The following TMEM184A variants were observed in gnomAD, a reference collection of about 807,000 sequenced individuals.
The protein encoded by TMEM184A is sexually dimorphic, expressed in male gonads 1.
Under a neutral mutation model 39.5 loss-of-function variants are expected in TMEM184A, and 40 were observed. That is an observed-to-expected ratio of 1.01 (90% CI 0.79 to 1.32). TMEM184A has a LOEUF of 1.32. Among genes scored for constraint, TMEM184A ranks in the 40% most tolerant of loss-of-function variants. TMEM184A has a pLI of 0.00. For missense variants in TMEM184A, 603 were observed against 568.8 expected (o/e 1.06, Z -0.61); for synonymous variants, 280 against 252.3 (o/e 1.11, Z -1.04).
chr7:1,546,702 T>G lies in TMEM184A; in HGVS notation c.*250A>C. ...CTGATGGCTGGGTGATCCCAGGGGG[T>G]CCCCAGGCTCTTCCGATTGGCTCAG... On this transcript the variant is annotated 3_prime_UTR_variant, in exon 9 of 9. Coordinates refer to ENST00000297477, the MANE Select transcript of TMEM184A (RefSeq NM_001097620.2). 1 of 447,744 alleles carries G rather than the reference T, an allele frequency of 2.2e-6. No individual in the cohort carries two copies. The highest frequency in any genetic ancestry group is 3.9e-6 in the Non-Finnish European group (1 of 254,536). The allele number at this position is 447,744 out of a possible 1,614,324, so 27.7% of individuals were successfully genotyped here.
rs527947709 is a variant in TMEM184A at position 1,547,294 on chromosome 7, C to T, written c.1013-113G>A. On this transcript the variant is annotated intron_variant, in intron 8 of 8. Coordinates refer to ENST00000297477, the MANE Select transcript of TMEM184A (RefSeq NM_001097620.2). ...GCTCCTGCATGTCCAGGTCTGGCCTCGGCCAGCAGAGGGTGGCCCCAGACC... is the reference window on the plus strand; with the variant it reads ...GCTCCTGCATGTCCAGGTCTGGCCTTGGCCAGCAGAGGGTGGCCCCAGACC... 4.5e-4 allele frequency: 301 copies of T among 674,476 alleles called. No homozygotes were observed. The African/African-American group carries it at 4.6e-3, about 10-fold the overall frequency. 41.8% of individuals were successfully genotyped at this position (674,476 alleles called of 1,614,324 possible). A position where few individuals can be genotyped will look rare whatever the true frequency, so the allele number is the denominator to read the frequency against.
intron 2 of TMEM184A, among the ~76,000 whole-genome samples, chr7:1,551,411 G>T (rs1363813392): frequency 1.3e-5 from 2 of 152,034 alleles, no homozygotes; most frequent in Admixed American, 6.5e-5. Context: ...AAGCCCAGGT[G>T]AGCCGGGAAG....
rs201804582 is a variant in TMEM184A, at chr7:1,550,271, G to A, written c.476+34C>T. 3.7e-6 allele frequency: 6 copies of A among 1,610,550 alleles called. No individual in the cohort carries two copies. In the African/African-American group the frequency reaches 5.3e-5, roughly 14 times the overall value. ...CCGCCGGGCTCCCTGTCCCAGGTGT[G>A]TGGGGTGTGGGGGCTCTGGGGTGAC... On this transcript the variant is annotated intron_variant, in intron 4 of 8. Coordinates refer to ENST00000297477, the MANE Select transcript of TMEM184A (RefSeq NM_001097620.2).
chr7:1,551,908 G>C (rs1484142390), intron 2 of TMEM184A, among the ~76,000 whole-genome samples: 1 of 151,946 alleles, frequency 6.6e-6, no homozygotes, highest in East Asian at 1.9e-4. Flanking sequence ...CTGCACTCCA[G>C]CCTGGGCGAC....
intron 2 of TMEM184A, among the ~76,000 whole-genome samples, 165 bp from the exon 3 acceptor site, chr7:1,551,147 GT>G: frequency 1.2e-5 from 1 of 83,360 alleles, no homozygotes; most frequent in African/African-American, 4.7e-5. Flanking sequence ...GGAGGTGGGG[GT>G]GGGCGCAGGA....
At position 1,542,712 on chromosome 7, in the gene TMEM184A, G is replaced by T. The variant is rs557539077; in HGVS notation, c.*4240C>A. 6.6e-6 allele frequency: 1 copy of T among 152,544 alleles called. No homozygotes were observed. Among genetic ancestry groups the T allele is most frequent in the Non-Finnish European group, 1.5e-5 (1 of 68,040 alleles). The allele number at this position is 152,544 out of a possible 1,614,324, so 9.4% of individuals were successfully genotyped here. On this transcript the variant is annotated 3_prime_UTR_variant, in exon 9 of 9. Transcript: ENST00000297477. ...AAAAAGACGAGGGACTCTTTGTCAC[G>T]TGGGTTTGTTTTCTGTCTCCGTGCC...
Position 1,548,604 on chromosome 7 carries a change from G to A in TMEM184A, c.729C>T (p.Phe243=), listed in dbSNP as rs1784443123. 6.2e-7 allele frequency: 1 copy of A among 1,613,834 alleles called. No homozygotes were observed. The highest frequency in any genetic ancestry group is 1.3e-5 in the African/African-American group (1 of 74,920). The change falls in exon 7 of 9, where the codon TTC becomes TTT. Residue 243 remains phenylalanine (F), a synonymous_variant. Transcript: ENST00000297477. ...LALYALFLFY[F]TTRELLRPFQ... The stretch of plus-strand genomic sequence containing the variant: ...AGGGCCGCAGGAGCTCCCTGGTGGT[G>A]AAGTAGAAGAGGAACAGGGCGTAGA...
At chr7:1,548,027 C>T (rs1036427985) in intron 7 of TMEM184A, 88 bp from the exon 8 acceptor site, 25 of 1,418,540 alleles carry the variant, frequency 1.8e-5, no homozygotes, top group African/African-American at 4.2e-5. Flanking sequence ...GCTCCTCTGA[C>T]GGGTGCTGTG....
chr7:1,552,887 C>T (rs1414897153), intron 2 of TMEM184A, among the ~76,000 whole-genome samples: 1 of 152,094 alleles, frequency 6.6e-6, no homozygotes, highest in African/African-American at 2.4e-5. Context: ...AACTCCATCT[C>T]TACTAAAAAA....
chr7:1,554,847 A>G (rs1340922947), intron 2 of TMEM184A, among the ~76,000 whole-genome samples: 2 of 152,094 alleles, frequency 1.3e-5, no homozygotes, highest in Non-Finnish European at 2.9e-5. Context: ...AGCAAAGTCC[A>G]ACCCCCTGCC....
intron 2 of TMEM184A, among the ~76,000 whole-genome samples, 184 bp from the exon 3 acceptor site, chr7:1,551,166 C>G (rs13229126): frequency 0.016 from 681 of 43,492 alleles, 85 homozygotes; most frequent in African/African-American, 0.057. Flanking sequence ...GGAGGGTTCG[C>G]GTGAGAGCCG....
chr7:1,551,679 A>G (rs1249893795), intron 2 of TMEM184A, among the ~76,000 whole-genome samples: 5 of 152,110 alleles, frequency 3.3e-5, no homozygotes, highest in Non-Finnish European at 5.9e-5. Context: ...GCTCACACCT[A>G]TAATCCCAGC....
At position 1,547,024 on chromosome 7, in the gene TMEM184A, G is replaced by GC; in HGVS notation, c.1169dup (p.Ser390ArgfsTer34). The GC allele has an allele frequency of 2.5e-6, 4 of 1,604,242 alleles. No homozygotes were observed. In the Admixed American group the frequency reaches 6.7e-5, roughly 27 times the overall value. ...TCTTCCTGCTCCCGCCGGAGCCGCCGCTGGGGTGGGTGCCGGGCCTGGGCG... is the reference window on the plus strand; with the variant it reads ...TCTTCCTGCTCCCGCCGGAGCCGCCGCCTGGGGTGGGTGCCGGGCCTGGGCG... On this transcript the variant is annotated frameshift_variant, in exon 9 of 9. Coordinates refer to ENST00000297477, the MANE Select transcript of TMEM184A (RefSeq NM_001097620.2). LOFTEE classifies it low-confidence loss of function (END_TRUNC).
At chr7:1,553,015 A>G (rs1784662633) in intron 2 of TMEM184A, among the ~76,000 whole-genome samples, 1 of 152,266 alleles carries the variant, frequency 6.6e-6, no homozygotes, top group African/African-American at 2.4e-5. Flanking sequence ...TGATTGTGCC[A>G]CCGGACTGCA....
At chr7:1,551,046 A>G in intron 2 of TMEM184A, 64 bp from the exon 3 acceptor site, 1 of 1,163,336 alleles carries the variant, frequency 8.6e-7, no homozygotes. Flanking sequence ...AGCCCAGGTG[A>G]GCCGGGAAGG....
At chr7:1,548,054 C>G in intron 7 of TMEM184A, 115 bp from the exon 8 acceptor site, 1 of 1,167,822 alleles carries the variant, frequency 8.6e-7, no homozygotes, top group East Asian at 2.6e-5. Context: ...TCCGTGTAGT[C>G]TCGTCCCACC....
chr7:1,547,313 C>T, intron 8 of TMEM184A, 132 bp from the exon 9 acceptor site: 1 of 637,404 alleles, frequency 1.6e-6, no homozygotes, highest in Non-Finnish European at 2.7e-6. Context: ...GAGGGTGGCC[C>T]CAGACCCCTG....
rs1302815130 is a variant in TMEM184A at position 1,548,518 on chromosome 7, C to T, written c.814+1G>A. 4 of 1,611,256 alleles carry T rather than the reference C, an allele frequency of 2.5e-6. No individual in the cohort carries two copies. In the East Asian group the frequency reaches 6.7e-5, roughly 27 times the overall value. On this transcript the variant is annotated splice_donor_variant, in intron 7 of 8. Coordinates refer to ENST00000297477, the MANE Select transcript of TMEM184A (RefSeq NM_001097620.2). LOFTEE classifies it high-confidence loss of function. ...ACCCCTGCCCCACCTGCCCCACACA[C>T]CTTGCCAGAACGACAGGAAGATGAC...
chr7:1,552,940 AG>A (rs1784658882), intron 2 of TMEM184A, among the ~76,000 whole-genome samples: 1 of 152,050 alleles, frequency 6.6e-6, no homozygotes, highest in Non-Finnish European at 1.5e-5. Flanking sequence ...CTGCAGTCCC[AG>A]CTACTCGGGA....
Sources: allele counts gnomAD v4.1 joint callset (sites outside exome capture counted in the v4.1 genomes callset), GRCh38; gene constraint gnomAD v4.1.1; transcripts MANE v1.5; gene names NCBI Gene and HGNC (gene_info 2026-07-23, HGNC 2026-07-21).